Variants in ZRANB3 observed in about 807,000 individuals in gnomAD.
The protein encoded by ZRANB3 is DNA annealing helicase and endonuclease ZRANB3.
In ZRANB3, 125 loss-of-function variants were observed where a neutral mutation model predicts 133.8. The observed-to-expected ratio is 0.93, with a 90% CI of 0.81 to 1.08. ZRANB3 has a LOEUF of 1.08. Among genes scored for constraint, ZRANB3 ranks in the 50% least tolerant of loss-of-function variants. The pLI is 0.00. For synonymous variants in ZRANB3, 387 were observed against 432.7 expected (o/e 0.89, Z 1.31); for missense variants, 1,229 against 1,275.5 (o/e 0.96, Z 0.56).
intron 8 of ZRANB3, among the ~76,000 whole-genome samples, chr2:135,301,433 G>A (rs764004610): frequency 2.0e-5 from 3 of 151,992 alleles, no homozygotes; most frequent in Admixed American, 6.6e-5. Flanking sequence ...TGATCTGCCC[G>A]CTTAGGCCTC....
intron 12 of ZRANB3, among the ~76,000 whole-genome samples, chr2:135,255,681 C>A (rs930202086): frequency 2.0e-5 from 3 of 152,032 alleles, no homozygotes; most frequent in African/African-American, 7.2e-5. Flanking sequence ...AGACCCCCAT[C>A]TCTACAAAAA....
chr2:135,513,212 A>G (rs951868832), intron 1 of ZRANB3, among the ~76,000 whole-genome samples: 2 of 152,236 alleles, frequency 1.3e-5, no homozygotes, highest in Non-Finnish European at 2.9e-5. Context: ...TGACAAGCTG[A>G]TTCTAAAATT....
intron 8 of ZRANB3, among the ~76,000 whole-genome samples, chr2:135,287,609 C>T (rs1178949634): frequency 6.7e-6 from 1 of 149,422 alleles, no homozygotes; most frequent in Non-Finnish European, 1.5e-5. Context: ...TTTCCTTCAG[C>T]AGTGTTTTGT....
intron 2 of ZRANB3, among the ~76,000 whole-genome samples, chr2:135,411,227 G>A (rs530706817): frequency 2.0e-5 from 3 of 152,152 alleles, no homozygotes; most frequent in Admixed American, 1.3e-4. Flanking sequence ...GACAGAGTGA[G>A]ACCCTGTCTC....
intron 12 of ZRANB3, among the ~76,000 whole-genome samples, chr2:135,253,439 A>G (rs1202874188): frequency 1.3e-5 from 2 of 152,212 alleles, no homozygotes; most frequent in Non-Finnish European, 2.9e-5. Flanking sequence ...ATGGGAGACT[A>G]TACTATGCTT....
At chr2:135,474,804 G>A (rs1691432776) in intron 2 of ZRANB3, among the ~76,000 whole-genome samples, 2 of 152,174 alleles carry the variant, frequency 1.3e-5, no homozygotes, top group African/African-American at 4.8e-5. Flanking sequence ...ATATAGTACA[G>A]TTACTATGAT....
intron 12 of ZRANB3, among the ~76,000 whole-genome samples, chr2:135,240,833 G>GC (rs1695520845): frequency 6.6e-6 from 1 of 152,104 alleles, no homozygotes. Flanking sequence ...ACCTGTCTTG[G>GC]CCCCCCAAAG....
intron 8 of ZRANB3, among the ~76,000 whole-genome samples, chr2:135,299,152 C>G (rs1367338305): frequency 6.6e-6 from 1 of 152,158 alleles, no homozygotes; most frequent in Non-Finnish European, 1.5e-5. Context: ...TGTCTGAGCT[C>G]AGACTCTCCT....
chr2:135,433,285 G>A (rs941182985), intron 2 of ZRANB3, among the ~76,000 whole-genome samples: 1 of 152,078 alleles, frequency 6.6e-6, no homozygotes, highest in Non-Finnish European at 1.5e-5. Flanking sequence ...TACTTGGGGT[G>A]CTGTGGCAGG....
intron 8 of ZRANB3, among the ~76,000 whole-genome samples, chr2:135,298,579 T>G (rs1025628398): frequency 6.6e-6 from 1 of 152,016 alleles, no homozygotes; most frequent in African/African-American, 2.4e-5. Context: ...CTGCAGTGAT[T>G]GTTATTGCTC....
At chr2:135,362,329 C>T (rs1409097524) in intron 3 of ZRANB3, among the ~76,000 whole-genome samples, 1 of 152,096 alleles carries the variant, frequency 6.6e-6, no homozygotes, top group Non-Finnish European at 1.5e-5. Context: ...TTACTCAAGA[C>T]AGAAGAGTCT....
intron 2 of ZRANB3, among the ~76,000 whole-genome samples, chr2:135,413,381 C>T (rs1417724701): frequency 6.6e-6 from 1 of 152,178 alleles, no homozygotes; most frequent in Non-Finnish European, 1.5e-5. Flanking sequence ...AAAGTATTTA[C>T]AAAACCAGGT....
intron 8 of ZRANB3, among the ~76,000 whole-genome samples, chr2:135,290,665 C>G (rs184674300): frequency 0.031 from 4,272 of 139,102 alleles, 192 homozygotes; most frequent in African/African-American, 0.13. Flanking sequence ...ACCTTGGGCT[C>G]CCCCCCTCCA....
chr2:135,308,850 ACCT>A (rs924137439), intron 8 of ZRANB3, among the ~76,000 whole-genome samples: 5 of 151,002 alleles, frequency 3.3e-5, no homozygotes, highest in African/African-American at 1.2e-4. Flanking sequence ...TATAATAACC[ACCT>A]CTTCTTCCCC....
intron 6 of ZRANB3, among the ~76,000 whole-genome samples, chr2:135,324,480 ATTG>A (rs1278018392): frequency 2.6e-5 from 4 of 152,078 alleles, no homozygotes; most frequent in Non-Finnish European, 5.9e-5. Flanking sequence ...CCAGTCTATC[ATTG>A]TTGGACATTT....
At chr2:135,287,768 T>C (rs1432934450) in intron 8 of ZRANB3, among the ~76,000 whole-genome samples, 1 of 151,848 alleles carries the variant, frequency 6.6e-6, no homozygotes, top group Non-Finnish European at 1.5e-5. Context: ...GTTACTGATT[T>C]GTGTACATCG....
intron 2 of ZRANB3, among the ~76,000 whole-genome samples, chr2:135,486,602 C>T (rs1170383484): frequency 2.6e-5 from 4 of 152,038 alleles, no homozygotes; most frequent in Admixed American, 2.6e-4. Context: ...GCAACCTCCA[C>T]TCCCAGGTTC....
rs1015869272 is a variant in ZRANB3, at chr2:135,526,695, T to A, written c.-8+4432A>T. Reference sequence around the variant, plus strand: ...AAGTCTCTTGTGGTTAAAATCCATATTCTATAGTGAATCCCCTTCCCCCTT... The same window carrying A: ...AAGTCTCTTGTGGTTAAAATCCATAATCTATAGTGAATCCCCTTCCCCCTT... On this transcript the variant is annotated intron_variant, in intron 1 of 20. Transcript: ENST00000264159. 2.0e-5 allele frequency among the ~76,000 whole-genome samples: 3 copies of A among 152,346 alleles called. No individual in the cohort carries two copies. In the East Asian group the frequency reaches 5.8e-4, roughly 29 times the overall value.
At chr2:135,499,111 G>A (rs1245868149) in intron 2 of ZRANB3, among the ~76,000 whole-genome samples, 9 of 151,940 alleles carry the variant, frequency 5.9e-5, no homozygotes, top group Admixed American at 3.9e-4. Context: ...CAGCTTGGGG[G>A]GCATCACAGA....
Sources: allele counts gnomAD v4.1 joint callset (sites outside exome capture counted in the v4.1 genomes callset), GRCh38; gene constraint gnomAD v4.1.1; transcripts MANE v1.5; gene names NCBI Gene and HGNC (gene_info 2026-07-23, HGNC 2026-07-21).